The following CTNNA3 variants were observed in gnomAD, a reference collection of about 807,000 sequenced individuals.
CTNNA3 encodes the protein catenin alpha-3.
CTNNA3 carries 76 observed loss-of-function variants against 95.7 expected under a neutral mutation model. The observed-to-expected ratio is 0.79, with a 90% CI of 0.66 to 0.96. The LOEUF (loss-of-function observed/expected upper bound fraction) is 0.96, where lower values mean the gene tolerates loss of function less well. Among genes scored for constraint, CTNNA3 ranks in the 40% least tolerant of loss-of-function variants. The pLI, the probability that CTNNA3 is intolerant of heterozygous loss-of-function variation, is 0.00. For synonymous variants in CTNNA3, 431 were observed against 374.4 expected, an observed-to-expected ratio of 1.15 and a Z score of -1.74; for missense variants, 1,191 against 1,089.8, an observed-to-expected ratio of 1.09 and a Z score of -1.31.
At chr10:66,456,210 A>AATAT (rs2093494180) in intron 11 of CTNNA3, among the ~76,000 whole-genome samples, 1 of 152,208 alleles carries the variant, frequency 6.6e-6, no homozygotes, top group Non-Finnish European at 1.5e-5. Context: ...GGAAATTCAA[A>AATAT]GGAATTATCA....
At chr10:66,701,605 T>C (rs1040687080) in intron 9 of CTNNA3, among the ~76,000 whole-genome samples, 5 of 152,194 alleles carry the variant, frequency 3.3e-5, no homozygotes, top group African/African-American at 1.2e-4. Context: ...ATTATTGATA[T>C]TATTGTAAAA....
chr10:66,656,174 C>A (rs1589080165), intron 9 of CTNNA3, among the ~76,000 whole-genome samples: 1 of 152,148 alleles, frequency 6.6e-6, no homozygotes, highest in East Asian at 1.9e-4. Context: ...GAATCCAATG[C>A]ATGTCCAGAG....
chr10:66,961,736 G>A (rs570963021), intron 7 of CTNNA3, among the ~76,000 whole-genome samples: 2 of 152,106 alleles, frequency 1.3e-5, no homozygotes, highest in Admixed American at 6.5e-5. Flanking sequence ...AGTTTGAAAT[G>A]TCTATTACTC....
chr10:66,139,534 G>A (rs1202263521), intron 13 of CTNNA3, among the ~76,000 whole-genome samples: 1 of 152,102 alleles, frequency 6.6e-6, no homozygotes, highest in Non-Finnish European at 1.5e-5. Context: ...CTTTATGTGT[G>A]TTCAGAGGTT....
At chr10:66,491,008 A>C (rs146255669) in intron 11 of CTNNA3, among the ~76,000 whole-genome samples, 1 of 152,298 alleles carries the variant, frequency 6.6e-6, no homozygotes, top group East Asian at 1.9e-4. Context: ...TCCAAATCTT[A>C]TGTTACTGAT....
At chr10:66,337,571 A>G (rs1438078087) in intron 12 of CTNNA3, among the ~76,000 whole-genome samples, 1 of 151,830 alleles carries the variant, frequency 6.6e-6, no homozygotes, top group Non-Finnish European at 1.5e-5. Flanking sequence ...CTACGTTCAA[A>G]CTTCAGATTC....
intron 5 of CTNNA3, among the ~76,000 whole-genome samples, chr10:67,345,439 C>A (rs1842373205): frequency 6.6e-6 from 1 of 152,012 alleles, no homozygotes; most frequent in African/African-American, 2.4e-5. Context: ...GTGTTGAAGT[C>A]TCCAGCTATT....
At chr10:66,160,164 G>T (rs1328870410) in intron 13 of CTNNA3, among the ~76,000 whole-genome samples, 2 of 151,478 alleles carry the variant, frequency 1.3e-5, no homozygotes, top group Non-Finnish European at 2.9e-5. Context: ...TTTTTTGTTT[G>T]TTTCAATTTC....
chr10:67,583,156 G>A (rs544821993), intron 3 of CTNNA3, among the ~76,000 whole-genome samples: 1 of 152,028 alleles, frequency 6.6e-6, no homozygotes, highest in Non-Finnish European at 1.5e-5. Context: ...TCCTAGCATC[G>A]ATGGTCTTTA....
intron 13 of CTNNA3, among the ~76,000 whole-genome samples, chr10:66,148,630 C>G (rs1241280067): frequency 6.6e-6 from 1 of 152,056 alleles, no homozygotes; most frequent in East Asian, 1.9e-4. Flanking sequence ...AAAGTGCCAT[C>G]TCTGAAGCAG....
At chr10:66,618,962 G>T (rs1844636666) in intron 10 of CTNNA3, among the ~76,000 whole-genome samples, 1 of 152,126 alleles carries the variant, frequency 6.6e-6, no homozygotes, top group African/African-American at 2.4e-5. Context: ...ATGAAAAAAT[G>T]CTCATCATCA....
intron 9 of CTNNA3, among the ~76,000 whole-genome samples, chr10:66,686,147 G>T (rs947967476): frequency 5.9e-5 from 9 of 152,148 alleles, no homozygotes; most frequent in Non-Finnish European, 8.8e-5. Context: ...CTGCTCCAGG[G>T]ACTCAAATGG....
At chr10:66,013,643 T>A (rs2079044589) in intron 15 of CTNNA3, among the ~76,000 whole-genome samples, 1 of 152,322 alleles carries the variant, frequency 6.6e-6, no homozygotes, top group South Asian at 2.1e-4. Context: ...ATTTTTCTAT[T>A]GATATAAATT....
chr10:66,866,621 C>A (rs1916384), intron 7 of CTNNA3, among the ~76,000 whole-genome samples: 8 of 151,890 alleles, frequency 5.3e-5, no homozygotes, highest in African/African-American at 1.9e-4. Context: ...GTTATGTACA[C>A]ATCTACCAAG....
chr10:67,677,369 G>GCA (rs1213228162), intron 1 of CTNNA3, among the ~76,000 whole-genome samples: 1 of 152,080 alleles, frequency 6.6e-6, no homozygotes, highest in Non-Finnish European at 1.5e-5. Context: ...ACGCACGCAT[G>GCA]CACACACACA....
At chr10:67,227,131 G>A (rs1589050547) in intron 5 of CTNNA3, among the ~76,000 whole-genome samples, 1 of 125,058 alleles carries the variant, frequency 8.0e-6, no homozygotes, top group South Asian at 2.5e-4. Flanking sequence ...TGCTCTTGTT[G>A]CCCAGGATGG....
chr10:67,687,737 T>G (rs548677992), intron 1 of CTNNA3, among the ~76,000 whole-genome samples: 1 of 152,160 alleles, frequency 6.6e-6, no homozygotes, highest in African/African-American at 2.4e-5. Context: ...GGAGAGTATA[T>G]TTTCTTAAGG....
chr10:67,255,238 T>A (rs1428345176), intron 5 of CTNNA3, among the ~76,000 whole-genome samples: 3 of 152,106 alleles, frequency 2.0e-5, no homozygotes, highest in Non-Finnish European at 4.4e-5. Context: ...GAGGTTGCAG[T>A]GAGCTGAGAT....
At chr10:66,579,840 C>T (rs911998964) in intron 10 of CTNNA3, among the ~76,000 whole-genome samples, 6 of 151,618 alleles carry the variant, frequency 4.0e-5, no homozygotes, top group Non-Finnish European at 8.9e-5. Flanking sequence ...GATGAGAGAT[C>T]CAGTGTCATC....
Sources: allele counts gnomAD v4.1 joint callset (sites outside exome capture counted in the v4.1 genomes callset), GRCh38; gene constraint gnomAD v4.1.1; transcripts MANE v1.5; gene names NCBI Gene and HGNC (gene_info 2026-07-23, HGNC 2026-07-21).